ESRRG: variants seen among roughly 807,000 people sequenced by gnomAD.
The protein encoded by ESRRG is estrogen-related receptor gamma.
ESRRG carries 13 observed loss-of-function variants against 44.0 expected under a neutral mutation model. The observed-to-expected ratio is 0.30, with a 90% CI of 0.19 to 0.47. The LOEUF is 0.47. Among genes scored for constraint, ESRRG ranks in the 20% least tolerant of loss-of-function variants. The pLI, the probability that ESRRG is intolerant of heterozygous loss-of-function variation, is 1.00. For synonymous variants in ESRRG, 215 were observed against 214.6 expected, an observed-to-expected ratio of 1.00 and a Z score of -0.02; for missense variants, 395 against 580.6, an observed-to-expected ratio of 0.68 and a Z score of 3.29.
chr1:216,679,920 C>G lies in ESRRG; in HGVS notation c.57-2429G>C, dbSNP rs575024701. On this transcript the variant is annotated intron_variant, in intron 1 of 6. Coordinates refer to ENST00000408911, the MANE Select transcript of ESRRG (RefSeq NM_001438.4). Reference sequence around the variant, plus strand: ...TGTTAAAGTCCCTGAAAAATAGGGACTCTCCAGCAAGTTGTCTCATCGAAA... The same window carrying G: ...TGTTAAAGTCCCTGAAAAATAGGGAGTCTCCAGCAAGTTGTCTCATCGAAA... 7.2e-5 allele frequency among the ~76,000 whole-genome samples: 11 copies of G among 152,252 alleles called. No individual in the cohort carries two copies. In the South Asian group the frequency reaches 2.3e-3, roughly 32 times the overall value.
chr1:216,810,623 T>A (rs2094938942), intron 2 of ESRRG, among the ~76,000 whole-genome samples: 1 of 147,902 alleles, frequency 6.8e-6, no homozygotes, highest in Non-Finnish European at 1.5e-5. Flanking sequence ...ATATTCTATA[T>A]GGTATATAGT....
At chr1:216,804,127 G>A (rs1576724808) in intron 2 of ESRRG, among the ~76,000 whole-genome samples, 1 of 152,092 alleles carries the variant, frequency 6.6e-6, no homozygotes, top group Admixed American at 6.5e-5. Flanking sequence ...AGTGTAAGTT[G>A]CATTTTCAAA....
At chr1:217,055,528 A>T (rs918621591) in intron 1 of ESRRG, among the ~76,000 whole-genome samples, 6 of 152,084 alleles carry the variant, frequency 3.9e-5, no homozygotes, top group Non-Finnish European at 7.4e-5. Context: ...CCCTCCCCTT[A>T]ATGCCCTCCA....
chr1:216,738,374 C>A (rs190240630), intron 2 of ESRRG, among the ~76,000 whole-genome samples: 3 of 152,040 alleles, frequency 2.0e-5, no homozygotes, highest in South Asian at 2.1e-4. Flanking sequence ...TACTGCCAAG[C>A]AACTAAGGAG....
intron 2 of ESRRG, chr1:216,939,477 G>T (rs1249590866): frequency 6.7e-6 from 1 of 150,020 alleles, no homozygotes; most frequent in East Asian, 2.0e-4. Flanking sequence ...AGTAGTCAAA[G>T]ATGTCAAGAG....
intron 1 of ESRRG, among the ~76,000 whole-genome samples, chr1:216,718,501 A>C (rs2085405637): frequency 6.6e-6 from 1 of 151,986 alleles, no homozygotes; most frequent in Non-Finnish European, 1.5e-5. Flanking sequence ...TGCAATGGAA[A>C]GATTGTCAAG....
intron 1 of ESRRG, among the ~76,000 whole-genome samples, chr1:216,990,090 A>T (rs1282434358): frequency 6.6e-6 from 1 of 152,140 alleles, no homozygotes; most frequent in Non-Finnish European, 1.5e-5. Context: ...AATTGTCTGA[A>T]CTCACAAAGG....
chr1:217,059,570 CA>C (rs1170157568), intron 1 of ESRRG, among the ~76,000 whole-genome samples: 2 of 152,028 alleles, frequency 1.3e-5, no homozygotes, highest in Non-Finnish European at 2.9e-5. Context: ...AAGGCTATGA[CA>C]AAAGGACTCA....
At chr1:216,876,659 T>C (rs989511732) in intron 2 of ESRRG, among the ~76,000 whole-genome samples, 1 of 151,914 alleles carries the variant, frequency 6.6e-6, no homozygotes, top group Non-Finnish European at 1.5e-5. Context: ...CATCTTATGG[T>C]TTTGGAAATT....
intron 2 of ESRRG, among the ~76,000 whole-genome samples, chr1:216,669,885 CAAAAAAAAGAA>C (rs2151380093): frequency 7.5e-6 from 1 of 133,852 alleles, no homozygotes; most frequent in East Asian, 2.0e-4. Context: ...GACTCTGTCT[CAAAAAAAAGAA>C]AAAAAAAAGT....
upstream of ESRRG, among the ~76,000 whole-genome samples, chr1:216,727,446 A>G (rs1258552584): frequency 6.6e-6 from 1 of 152,126 alleles, no homozygotes; most frequent in African/African-American, 2.4e-5. Flanking sequence ...CTGTGTGGCC[A>G]TGGGTAGGTT....
At chr1:216,775,767 G>A (rs1458476832) in intron 2 of ESRRG, among the ~76,000 whole-genome samples, 1 of 151,268 alleles carries the variant, frequency 6.6e-6, no homozygotes, top group Non-Finnish European at 1.5e-5. Flanking sequence ...GCTTCACTAT[G>A]TTGCCCAGGC....
intron 2 of ESRRG, among the ~76,000 whole-genome samples, chr1:216,923,027 A>C (rs78457578): frequency 0.065 from 9,856 of 152,270 alleles, 429 homozygotes; most frequent in Non-Finnish European, 0.091. Flanking sequence ...GAGAGCAGCT[A>C]TGCTTCTGGT....
intron 6 of ESRRG, among the ~76,000 whole-genome samples, chr1:216,509,882 G>C (rs2042218370): frequency 6.6e-6 from 1 of 152,302 alleles, no homozygotes; most frequent in Non-Finnish European, 1.5e-5. Flanking sequence ...CCTAGTTCAA[G>C]TTCTGGATCT....
chr1:217,015,727 C>T (rs539046870), intron 1 of ESRRG, among the ~76,000 whole-genome samples: 92 of 120,392 alleles, frequency 7.6e-4, no homozygotes, highest in Middle Eastern at 8.3e-3. Context: ...GAGGGGGCAG[C>T]TAGATTTTTT....
chr1:216,696,039 G>A (rs1391080939), intron 1 of ESRRG, among the ~76,000 whole-genome samples: 1 of 152,172 alleles, frequency 6.6e-6, no homozygotes, highest in African/African-American at 2.4e-5. Context: ...ATCTCACAGT[G>A]TATGGTGAAT....
intron 1 of ESRRG, among the ~76,000 whole-genome samples, chr1:217,034,522 G>A (rs142015351): frequency 1.7e-4 from 26 of 152,238 alleles, no homozygotes; most frequent in Admixed American, 5.2e-4. Context: ...AACCACTGGC[G>A]GACCTGGCCT....
chr1:216,620,305 T>G (rs559004886), intron 3 of ESRRG, among the ~76,000 whole-genome samples: 1 of 152,186 alleles, frequency 6.6e-6, no homozygotes, highest in Non-Finnish European at 1.5e-5. Flanking sequence ...GTGTAAAGCA[T>G]TTAGAACATG....
At chr1:217,127,228 C>T (rs1490933254) in intron 1 of ESRRG, among the ~76,000 whole-genome samples, 1 of 152,172 alleles carries the variant, frequency 6.6e-6, no homozygotes, top group Non-Finnish European at 1.5e-5. Context: ...TAAACTTGTG[C>T]CACAATGTTC....
Sources: allele counts gnomAD v4.1 joint callset (sites outside exome capture counted in the v4.1 genomes callset), GRCh38; gene constraint gnomAD v4.1.1; transcripts MANE v1.5; gene names NCBI Gene and HGNC (gene_info 2026-07-23, HGNC 2026-07-21).